TMEM132B: variants seen among roughly 807,000 people sequenced by gnomAD.
The protein encoded by TMEM132B is transmembrane protein 132B.
In TMEM132B, 18 loss-of-function variants were observed where a neutral mutation model predicts 90.8. The observed-to-expected ratio is 0.20, with a 90% CI of 0.14 to 0.29. The LOEUF is 0.29. TMEM132B is among the 10% of genes least tolerant of loss of function. The pLI, the probability that TMEM132B is intolerant of heterozygous loss-of-function variation, is 1.00. For missense variants in TMEM132B, 1,096 were observed against 1,326.8 expected, an observed-to-expected ratio of 0.83 and a Z score of 2.70; for synonymous variants, 504 against 523.3, an observed-to-expected ratio of 0.96 and a Z score of 0.50.
chr12:125,415,422 G>T lies in TMEM132B; in HGVS notation c.960-109G>T. On this transcript the variant is annotated intron_variant, in intron 2 of 8. Transcript: ENST00000682704. The surrounding 1 kb of genome is among the most constrained non-coding windows in gnomAD (Gnocchi z 5.3). ...CCCACATCTCCCAGAGGAAGGGGGC[G>T]ATGTTACAGATGCTTTCCCAGTGAT... 1 of 1,334,964 alleles carries T rather than the reference G, an allele frequency of 7.5e-7. No individual in the cohort carries two copies. The highest frequency in any genetic ancestry group is 1.0e-6 in the Non-Finnish European group (1 of 987,626). The allele number at this position is 1,334,964 out of a possible 1,614,324, so 82.7% of individuals were successfully genotyped here.
intron 5 of TMEM132B, among the ~76,000 whole-genome samples, chr12:125,615,014 AT>A (rs879887219): frequency 2.6e-5 from 4 of 152,048 alleles, no homozygotes; most frequent in Admixed American, 6.6e-5. Flanking sequence ...CTCAGGTTTT[AT>A]TATTTCTGAT....
intron 4 of TMEM132B, among the ~76,000 whole-genome samples, chr12:125,524,205 C>A (rs770535532): frequency 2.6e-5 from 4 of 152,188 alleles, no homozygotes; most frequent in African/African-American, 4.8e-5. Context: ...GATGGATAAA[C>A]TGAGCCATAA....
At chr12:125,434,515 G>C (rs1209683095) in intron 3 of TMEM132B, among the ~76,000 whole-genome samples, 1 of 150,866 alleles carries the variant, frequency 6.6e-6, no homozygotes, top group East Asian at 2.0e-4. Flanking sequence ...GGAGATTAGA[G>C]GGTGGGAGGG....
intron 1 of TMEM132B, among the ~76,000 whole-genome samples, chr12:125,238,616 A>G (rs1366412527): frequency 1.3e-5 from 2 of 152,208 alleles, no homozygotes; most frequent in African/African-American, 4.8e-5. Flanking sequence ...TTTGAGAAAC[A>G]TTTTGTTCGG....
intron 1 of TMEM132B, among the ~76,000 whole-genome samples, chr12:125,315,129 G>A (rs1876229814): frequency 6.6e-6 from 1 of 152,220 alleles, no homozygotes; most frequent in African/African-American, 2.4e-5. Flanking sequence ...TTAGGGGTTA[G>A]GGAGTCAGCA....
intron 3 of TMEM132B, among the ~76,000 whole-genome samples, chr12:125,497,832 T>A (rs1882598577): frequency 6.6e-6 from 1 of 152,196 alleles, no homozygotes; most frequent in African/African-American, 2.4e-5. Flanking sequence ...GCTCAGCAGG[T>A]GGCCAGGAGT....
At chr12:125,359,053 C>T (rs1296360004) in intron 2 of TMEM132B, among the ~76,000 whole-genome samples, 2 of 152,156 alleles carry the variant, frequency 1.3e-5, no homozygotes, top group Non-Finnish European at 2.9e-5. Context: ...TCACAAAACT[C>T]CTGACTCCGT....
At chr12:125,390,027 C>T (rs144801907) in intron 2 of TMEM132B, among the ~76,000 whole-genome samples, 1 of 152,310 alleles carries the variant, frequency 6.6e-6, no homozygotes, top group Non-Finnish European at 1.5e-5. Context: ...TCATAAGCTC[C>T]ATATGCTCCT....
At chr12:125,293,761 T>G (rs1451244534) in intron 1 of TMEM132B, among the ~76,000 whole-genome samples, 1 of 152,174 alleles carries the variant, frequency 6.6e-6, no homozygotes, top group Non-Finnish European at 1.5e-5. Flanking sequence ...TGCAGCAGTT[T>G]TAAAAACCTG....
intron 4 of TMEM132B, among the ~76,000 whole-genome samples, chr12:125,522,066 T>C (rs1232443973): frequency 6.6e-6 from 1 of 152,202 alleles, no homozygotes; most frequent in African/African-American, 2.4e-5. Flanking sequence ...CTCGTTCCTC[T>C]CAGGTCTCCT....
At chr12:125,588,990 T>A (rs1273365959) in intron 5 of TMEM132B, among the ~76,000 whole-genome samples, 2 of 152,192 alleles carry the variant, frequency 1.3e-5, no homozygotes, top group African/African-American at 4.8e-5. Context: ...TGTAATATAT[T>A]AATACATATT....
chr12:125,483,870 C>T (rs921954173), intron 3 of TMEM132B, among the ~76,000 whole-genome samples: 1 of 152,146 alleles, frequency 6.6e-6, no homozygotes, highest in Non-Finnish European at 1.5e-5. Flanking sequence ...TTGTTTCCAG[C>T]CAATGGATTG....
rs546688992 is a variant in TMEM132B at position 125,266,524 on chromosome 12, T to C, written c.67+79658T>C. 6.6e-5 allele frequency among the ~76,000 whole-genome samples: 10 copies of C among 152,356 alleles called. No homozygotes were observed. The East Asian group carries it at 1.7e-3, about 26-fold the overall frequency. On this transcript the variant is annotated intron_variant, in intron 1 of 8. Coordinates refer to ENST00000682704, the MANE Select transcript of TMEM132B (RefSeq NM_001366854.1). Reference sequence around the variant, plus strand: ...CAAAATGGAAACACACAGAATGGCATGGAAGCAAGTCTAGTTGCTCAGGCC... The same window carrying C: ...CAAAATGGAAACACACAGAATGGCACGGAAGCAAGTCTAGTTGCTCAGGCC...
At chr12:125,450,091 A>G (rs769090229) in intron 3 of TMEM132B, among the ~76,000 whole-genome samples, 52 of 152,314 alleles carry the variant, frequency 3.4e-4, no homozygotes, top group Middle Eastern at 3.4e-3. Flanking sequence ...ATGTACATGT[A>G]TATTTTTAGC....
At chr12:125,266,348 G>A (rs533123658) in intron 1 of TMEM132B, among the ~76,000 whole-genome samples, 85 of 152,324 alleles carry the variant, frequency 5.6e-4, no homozygotes, top group African/African-American at 2.0e-3. Flanking sequence ...ATTTGCCAAG[G>A]TCTGCTGTTG....
At chr12:125,475,418 C>T (rs1881849812) in intron 3 of TMEM132B, among the ~76,000 whole-genome samples, 1 of 152,072 alleles carries the variant, frequency 6.6e-6, no homozygotes, top group African/African-American at 2.4e-5. Flanking sequence ...AGTATTGATC[C>T]TGGGTGTGTC....
chr12:125,492,771 C>G lies in TMEM132B; in HGVS notation c.1107-26668C>G, dbSNP rs1410989548. The stretch of plus-strand genomic sequence containing the variant: ...TGTTGTCCACTCAGCCACTCAGCCA[C>G]GCCCGCAGATCTCACTTGGCTCCAA... On this transcript the variant is annotated intron_variant, in intron 3 of 8. Coordinates refer to ENST00000682704, the MANE Select transcript of TMEM132B (RefSeq NM_001366854.1). This position sits in a 1 kb window ranked among gnomAD's most constrained non-coding sequence, Gnocchi z 5.8. Among the ~76,000 whole-genome samples, 1 of 152,156 alleles carries G rather than the reference C, an allele frequency of 6.6e-6. No individual in the cohort carries two copies.
intron 5 of TMEM132B, among the ~76,000 whole-genome samples, chr12:125,642,481 G>A (rs74714621): frequency 0.1 from 15,512 of 152,076 alleles, 1,057 homozygotes; most frequent in South Asian, 0.2. Flanking sequence ...AGCTCCCTGT[G>A]GAATTTTGGG....
At chr12:125,644,007 T>C (rs961668538) in intron 5 of TMEM132B, 69 bp from the exon 6 acceptor site, 57 of 1,411,258 alleles carry the variant, frequency 4.0e-5, no homozygotes, top group Admixed American at 1.0e-4. Flanking sequence ...TCATGAACTT[T>C]CACTGTTGTT....
Sources: gnomAD v4.1 joint callset for allele counts (sites outside exome capture counted in the v4.1 genomes callset) on GRCh38, gnomAD v4.1.1 for gene constraint, Gnocchi (gnomAD v3.1) non-coding constraint, MANE v1.5 for transcripts, NCBI Gene and HGNC (gene_info 2026-07-23, HGNC 2026-07-21) for gene names.